The following CFAP36 variants were observed in gnomAD, a reference collection of about 807,000 sequenced individuals.
The protein encoded by CFAP36 is cilia- and flagella-associated protein 36.
CFAP36 carries 37 observed loss-of-function variants against 50.5 expected under a neutral mutation model. The observed-to-expected ratio is 0.73, with a 90% CI of 0.56 to 0.96. The LOEUF is 0.96. Ranked by LOEUF, CFAP36 falls within the 50% of genes least tolerant of loss-of-function variation. The probability of loss-of-function intolerance (pLI) is 0.00; values close to 1 mark genes in which losing one functional copy is unlikely to be tolerated. For synonymous variants in CFAP36, 138 were observed against 128.2 expected (o/e 1.08, Z -0.52); for missense variants, 407 against 396.2 (o/e 1.03, Z -0.23).
chr2:55,533,694 CA>C (rs67734632), intron 4 of CFAP36, among the ~76,000 whole-genome samples, 178 bp from the exon 5 acceptor site: 24,518 of 139,772 alleles, frequency 0.18, 2,113 homozygotes, highest in East Asian at 0.28. Context: ...GACTCTGTCT[CA>C]AAAAAAAAAA....
chr2:55,544,266 A>C lies in CFAP36; in HGVS notation c.824A>C (p.Tyr275Ser). 1.2e-6 allele frequency: 2 copies of C among 1,613,996 alleles called. No individual in the cohort carries two copies. Among genetic ancestry groups the C allele is most frequent in the Non-Finnish European group, 8.5e-7 (1 of 1,179,946 alleles). Residue 275 changes from tyrosine to serine, a missense_variant, in exon 9 of 10, where the codon TAT becomes TCT. Transcript: ENST00000349456. ...GTEELRQREH[Y>S]LKQKRDKLMS... ...GAAGAACTTCGGCAACGAGAACACT[A>C]TCTCAAGCAGAAGAGAGATAAGTTG...
chr2:55,523,097 C>A (rs76878489), intron 2 of CFAP36, among the ~76,000 whole-genome samples: 66 of 109,180 alleles, frequency 6.0e-4, no homozygotes, highest in Admixed American at 8.3e-4. Context: ...GACTCTGTCT[C>A]AAAAAAAAAA....
At chr2:55,541,433 G>A (rs1027819535) in intron 7 of CFAP36, among the ~76,000 whole-genome samples, 3 of 152,142 alleles carry the variant, frequency 2.0e-5, no homozygotes, top group Admixed American at 2.0e-4. Context: ...TGCATATTTT[G>A]TTATATTTTA....
In CFAP36 at chr2:55,519,840, G is replaced by A. The variant is rs1184541867; in HGVS notation, c.39G>A (p.Val13=). ...AEEEDEVEWV[V]ESIAGFLRGP... ...AAGAAGACGAGGTGGAGTGGGTAGT[G>A]GAGAGCATCGCGGGGTTCCTGCGAG... is the stretch of plus-strand genomic sequence containing the variant. The change falls in exon 1 of 10, where the codon GTG becomes GTA. Residue 13 remains valine (V), a synonymous_variant. Transcript: ENST00000349456. 1.2e-6 allele frequency: 2 copies of A among 1,614,244 alleles called. No individual in the cohort carries two copies. Among genetic ancestry groups the A allele is most frequent in the African/African-American group, 1.3e-5 (1 of 75,070 alleles).
At position 55,544,353 on chromosome 2, in the gene CFAP36, C is replaced by T. The variant is rs745535635; in HGVS notation, c.911C>T (p.Pro304Leu). Reference protein sequence around the residue: ...QIQNMEQKGKPTGEVEEMTEK... With the variant: ...QIQNMEQKGKLTGEVEEMTEK... ...CAAAATATGGAGCAGAAAGGAAAAC[C>T]CACTGGGGAGGTAGAGGTATGGCTA... The change falls in exon 9 of 10, where the codon CCC becomes CTC. Residue 304 changes from proline to leucine, a missense_variant. By Grantham distance (98) the Pro-to-Leu change is moderately conservative (BLOSUM62 -3). Coordinates refer to ENST00000349456, the MANE Select transcript of CFAP36 (RefSeq NM_080667.7). 15 of 1,612,208 alleles carry T rather than the reference C, an allele frequency of 9.3e-6. No homozygotes were observed. The highest frequency in any genetic ancestry group is 1.3e-5 in the Non-Finnish European group (15 of 1,179,508).
At chr2:55,541,445 A>G (rs546445183) in intron 7 of CFAP36, among the ~76,000 whole-genome samples, 15 of 152,332 alleles carry the variant, frequency 9.8e-5, no homozygotes, top group Middle Eastern at 3.4e-3. Flanking sequence ...TATATTTTAT[A>G]TCTAAGTATT....
In CFAP36 at chr2:55,529,647, C is replaced by CTT. The variant is rs762612056; in HGVS notation, c.397+671_397+672dup. 5.5e-3 allele frequency among the ~76,000 whole-genome samples: 695 copies of CTT among 126,462 alleles called. 18 individuals are homozygous for CTT. The highest frequency in any genetic ancestry group is 0.023 in the Middle Eastern group (5 of 222). The allele number at this position is 126,462 out of a possible 152,430, so 83.0% of individuals were successfully genotyped here. On this transcript the variant is annotated intron_variant, in intron 4 of 9. Coordinates refer to ENST00000349456, the MANE Select transcript of CFAP36 (RefSeq NM_080667.7). Reference sequence around the variant, plus strand: ...AGGACCTTTGTAGGAAGCAGTGGTTCTTTTTTTTTTTTTTTTTGAGACGGA... The same window carrying CTT: ...AGGACCTTTGTAGGAAGCAGTGGTTCTTTTTTTTTTTTTTTTTTTGAGACGGA...
At position 55,536,308 on chromosome 2, in the gene CFAP36, T is replaced by C. The variant is rs1402980855; in HGVS notation, c.537+545T>C. Among the ~76,000 whole-genome samples the C allele has an allele frequency of 5.9e-5, 9 of 151,844 alleles. No homozygotes were observed. The South Asian group carries it at 1.7e-3, about 28-fold the overall frequency. The stretch of plus-strand genomic sequence containing the variant: ...CCATCACGCCTGGCTAATTTTTGTA[T>C]TTTTAGTAGAGACGGGGTTTCACCA... On this transcript the variant is annotated intron_variant, in intron 6 of 9. Transcript: ENST00000349456.
chr2:55,544,499 G>T (rs1048931329), intron 9 of CFAP36, 130 bp downstream of exon 9: 23 of 800,828 alleles, frequency 2.9e-5, no homozygotes, highest in Middle Eastern at 2.4e-4. Flanking sequence ...TCCTAGTGCA[G>T]TAGCTGCTAA....
At chr2:55,520,745 G>A (rs1684040860) in intron 1 of CFAP36, among the ~76,000 whole-genome samples, 1 of 152,174 alleles carries the variant, frequency 6.6e-6, no homozygotes, top group Non-Finnish European at 1.5e-5. Flanking sequence ...AGACTTTGAG[G>A]GTAGTAGTAT....
At chr2:55,544,190 TTAGA>T (rs1330896816) in intron 8 of CFAP36, 26 bp from the exon 9 acceptor site, 1 of 1,607,770 alleles carries the variant, frequency 6.2e-7, no homozygotes, top group Non-Finnish European at 8.5e-7. Context: ...GGATTTGAAT[TTAGA>T]TAGCTCCTTT....
chr2:55,536,134 A>ATT (rs112367385), intron 6 of CFAP36, among the ~76,000 whole-genome samples: 7 of 136,954 alleles, frequency 5.1e-5, no homozygotes, highest in Admixed American at 7.4e-5. Context: ...ACAGAACAAC[A>ATT]TTTTTTTTTT....
At chr2:55,524,790 T>A (rs1684160455) in intron 3 of CFAP36, among the ~76,000 whole-genome samples, 1 of 151,958 alleles carries the variant, frequency 6.6e-6, no homozygotes, top group African/African-American at 2.4e-5. Context: ...GAGACCAGCC[T>A]GACCAACATG....
chr2:55,524,752 C>T (rs945408419), intron 3 of CFAP36, among the ~76,000 whole-genome samples: 18 of 151,948 alleles, frequency 1.2e-4, no homozygotes, highest in Admixed American at 3.3e-4. Context: ...GAGGCCGAGG[C>T]GGGCAGATCA....
intron 7 of CFAP36, 23 bp downstream of exon 7, chr2:55,537,608 T>C: frequency 6.8e-7 from 1 of 1,460,800 alleles, no homozygotes; most frequent in Non-Finnish European, 9.4e-7. Flanking sequence ...TGTACTGAAC[T>C]TTCTCTAATA....
rs1430853021 is a variant in CFAP36, at chr2:55,543,970, G to C, written c.673G>C (p.Glu225Gln). 1 of 1,613,756 alleles carries C rather than the reference G, an allele frequency of 6.2e-7. No homozygotes were observed. Among genetic ancestry groups the C allele is most frequent in the Non-Finnish European group, 8.5e-7 (1 of 1,179,798 alleles). The change falls in exon 8 of 10, where the codon GAA becomes CAA. Residue 225 changes from glutamate (E) to glutamine (Q), a missense_variant. By Grantham distance (29) the Glu-to-Gln change is conservative. Transcript: ENST00000349456. ...AATGCATTTTGCTAATCAGTCAATA[G>C]AACCTTTGGGAAGAAAAGTGGAAAG... ...VKMHFANQSIEPLGRKVERSE... is the reference protein window; with the variant it reads ...VKMHFANQSIQPLGRKVERSE...
rs1248433238 is a variant in CFAP36, at chr2:55,529,290, C to T, written c.397+298C>T. ...CAAAAAAATTAGCTGGGCGTGGTGG[C>T]GGGCACCTGTAGTCCCAGCTACTTG... On this transcript the variant is annotated intron_variant, in intron 4 of 9. Transcript: ENST00000349456. Among the ~76,000 whole-genome samples the T allele has an allele frequency of 7.9e-5, 12 of 151,952 alleles. No homozygotes were observed. In the South Asian group the frequency reaches 2.1e-3, roughly 26 times the overall value.
At chr2:55,528,593 A>G (rs1684270967) in intron 3 of CFAP36, among the ~76,000 whole-genome samples, 1 of 151,858 alleles carries the variant, frequency 6.6e-6, no homozygotes, top group Non-Finnish European at 1.5e-5. Context: ...ATGGGGTTTC[A>G]CCATGTTGGC....
At position 55,519,772 on chromosome 2, in the gene CFAP36, G is replaced by A; in HGVS notation, c.-30G>A. The A allele has an allele frequency of 6.2e-7, 1 of 1,611,842 alleles. No homozygotes were observed. The highest frequency in any genetic ancestry group is 8.5e-7 in the Non-Finnish European group (1 of 1,177,926). ...ACCGGGGTCCGGCGGTCTGGCCTAG[G>A]GATCTTCCCCGTTGCCCCTTTGGGG... On this transcript the variant is annotated 5_prime_UTR_variant, in exon 1 of 10. Coordinates refer to ENST00000349456, the MANE Select transcript of CFAP36 (RefSeq NM_080667.7).
Sources: allele counts gnomAD v4.1 joint callset (sites outside exome capture counted in the v4.1 genomes callset), GRCh38; gene constraint gnomAD v4.1.1; transcripts MANE v1.5; gene names NCBI Gene and HGNC (gene_info 2026-07-23, HGNC 2026-07-21).